Variants in ADAMTS6 observed in about 807,000 individuals in gnomAD.
The protein encoded by ADAMTS6 is ADAM metallopeptidase with thrombospondin type 1 motif 6.
ADAMTS6 carries 23 observed loss-of-function variants against 144.3 expected under a neutral mutation model. That is an observed-to-expected ratio of 0.16 (90% CI 0.11 to 0.23). The LOEUF (loss-of-function observed/expected upper bound fraction) is 0.23, where lower values mean the gene tolerates loss of function less well. Among genes scored for constraint, ADAMTS6 ranks in the 10% least tolerant of loss-of-function variants. The probability of loss-of-function intolerance (pLI) is 1.00; values close to 1 mark genes in which losing one functional copy is unlikely to be tolerated. For missense variants in ADAMTS6, 999 were observed against 1,379.6 expected (o/e 0.72, Z 4.37); for synonymous variants, 444 against 457.5 (o/e 0.97, Z 0.38).
Position 65,451,636 on chromosome 5 carries a change from C to G in ADAMTS6, c.928-16G>C. The G allele has an allele frequency of 6.2e-7, 1 of 1,611,214 alleles. No homozygotes were observed. The highest frequency in any genetic ancestry group is 8.5e-7 in the Non-Finnish European group (1 of 1,178,930). ...CCAAGTTTGGCTGCAATACAACATG[C>G]ATACCAGAAATGTTCCAAACAAATT... On this transcript the variant is annotated splice_polypyrimidine_tract_variant and intron_variant, in intron 6 of 24. Transcript: ENST00000381055.
intron 11 of ADAMTS6, among the ~76,000 whole-genome samples, chr5:65,289,245 T>C (rs574316063): frequency 6.6e-6 from 1 of 152,152 alleles, no homozygotes; most frequent in Non-Finnish European, 1.5e-5. Context: ...ATTAAGAATA[T>C]AAAGGCAAGC....
intron 14 of ADAMTS6, among the ~76,000 whole-genome samples, chr5:65,258,641 G>A (rs1397929781): frequency 6.6e-6 from 1 of 152,152 alleles, no homozygotes; most frequent in African/African-American, 2.4e-5. Flanking sequence ...AGTGAAGTTA[G>A]GCAGCACCTA....
intron 9 of ADAMTS6, among the ~76,000 whole-genome samples, chr5:65,313,452 G>C (rs761403789): frequency 1.3e-4 from 19 of 151,898 alleles, no homozygotes; most frequent in Non-Finnish European, 2.4e-4. Flanking sequence ...ATATGTATGT[G>C]CATTTATTTA....
chr5:65,437,075 A>G (rs1057398282), intron 7 of ADAMTS6, among the ~76,000 whole-genome samples: 2 of 150,262 alleles, frequency 1.3e-5, no homozygotes, highest in Non-Finnish European at 3.0e-5. Flanking sequence ...AAGAGAAGAG[A>G]GAGCTTGTGC....
In ADAMTS6 at chr5:65,214,975, A is replaced by C; in HGVS notation, c.2437-43T>G. On this transcript the variant is annotated intron_variant, in intron 19 of 24. Transcript: ENST00000381055. This position sits in a 1 kb window ranked among gnomAD's most constrained non-coding sequence, Gnocchi z 4.6. ...TGGTGAAGACAATTAAAATACAATG[A>C]GCCTTCATTCAGATATTTATTATTC... 1.3e-6 allele frequency: 2 copies of C among 1,585,198 alleles called. No individual in the cohort carries two copies. Among genetic ancestry groups the C allele is most frequent in the Non-Finnish European group, 1.7e-6 (2 of 1,166,360 alleles).
chr5:65,381,529 ATTTTTTTT>A (rs748143650), intron 7 of ADAMTS6, among the ~76,000 whole-genome samples: 16 of 103,124 alleles, frequency 1.6e-4, no homozygotes, highest in African/African-American at 3.3e-4. Flanking sequence ...TGCCTGGCTA[ATTTTTTTT>A]TTTTTTTTTT....
rs1480304001 is a variant in ADAMTS6 at position 65,215,491 on chromosome 5, G to T, written c.2273-4C>A. On this transcript the variant is annotated splice_region_variant and splice_polypyrimidine_tract_variant and intron_variant, in intron 18 of 24. Transcript: ENST00000381055. Reference sequence around the variant, plus strand: ...TCATCTCCTTCAGATTTTAAAGCTAGAAAACAAATCACAATTCACCTAAAA... The same window carrying T: ...TCATCTCCTTCAGATTTTAAAGCTATAAAACAAATCACAATTCACCTAAAA... 1 of 1,597,992 alleles carries T rather than the reference G, an allele frequency of 6.3e-7. No homozygotes were observed. The highest frequency in any genetic ancestry group is 8.5e-7 in the Non-Finnish European group (1 of 1,174,504).
chr5:65,250,205 C>T (rs78302041), intron 14 of ADAMTS6, among the ~76,000 whole-genome samples: 1 of 152,182 alleles, frequency 6.6e-6, no homozygotes. Flanking sequence ...TATGTTACTT[C>T]TTTTAATTGT....
intron 7 of ADAMTS6, among the ~76,000 whole-genome samples, chr5:65,403,792 T>G (rs1754165920): frequency 6.6e-6 from 1 of 152,106 alleles, no homozygotes; most frequent in Non-Finnish European, 1.5e-5. Flanking sequence ...CTAGACTCCA[T>G]TATCTTCATG....
chr5:65,274,412 A>G (rs114996023), intron 11 of ADAMTS6, among the ~76,000 whole-genome samples: 1,776 of 152,210 alleles, frequency 0.012, 12 homozygotes, highest in Non-Finnish European at 0.019. Context: ...AATAAAAATG[A>G]TTATCTGAAA....
chr5:65,303,656 A>G (rs770509624), intron 9 of ADAMTS6, among the ~76,000 whole-genome samples: 46 of 151,824 alleles, frequency 3.0e-4, no homozygotes, highest in Admixed American at 1.1e-3. Flanking sequence ...AGCATAAAAT[A>G]TCTTTTAAAA....
chr5:65,297,723 T>C (rs894982623), intron 10 of ADAMTS6, among the ~76,000 whole-genome samples: 7 of 152,222 alleles, frequency 4.6e-5, no homozygotes, highest in Non-Finnish European at 4.4e-5. Context: ...TCCGGTGAAC[T>C]GACCTTTTTA....
At chr5:65,393,344 G>T (rs913094630) in intron 7 of ADAMTS6, among the ~76,000 whole-genome samples, 4 of 152,098 alleles carry the variant, frequency 2.6e-5, no homozygotes, top group Non-Finnish European at 4.4e-5. Context: ...ATCCTTCCAT[G>T]AACATATGCC....
At chr5:65,243,627 G>A (rs1284102519) in intron 14 of ADAMTS6, among the ~76,000 whole-genome samples, 1 of 152,014 alleles carries the variant, frequency 6.6e-6, no homozygotes, top group Non-Finnish European at 1.5e-5. Flanking sequence ...GGTGTATCAG[G>A]CTGGAAGGAT....
intron 19 of ADAMTS6, 125 bp from the exon 20 acceptor site, chr5:65,215,057 T>C (rs1415197134): frequency 5.6e-6 from 7 of 1,241,874 alleles, no homozygotes; most frequent in Non-Finnish European, 7.7e-6. Flanking sequence ...ATAAAACACA[T>C]GCATTTATAT....
chr5:65,177,738 G>T (rs1754067966), intron 22 of ADAMTS6, among the ~76,000 whole-genome samples: 1 of 152,220 alleles, frequency 6.6e-6, no homozygotes, highest in African/African-American at 2.4e-5. Flanking sequence ...CAAATGCCTG[G>T]TTGGAGTCGA....
intron 9 of ADAMTS6, among the ~76,000 whole-genome samples, chr5:65,325,695 T>G (rs540922442): frequency 2.6e-4 from 40 of 152,232 alleles, no homozygotes; most frequent in Admixed American, 2.2e-3. Context: ...AGTTTGGCCA[T>G]GTTACCCAGG....
intron 20 of ADAMTS6, among the ~76,000 whole-genome samples, chr5:65,202,113 C>G (rs527412209): frequency 6.6e-6 from 1 of 152,264 alleles, no homozygotes; most frequent in East Asian, 1.9e-4. Flanking sequence ...CCAATCAACT[C>G]CACTCATATG....
intron 4 of ADAMTS6, among the ~76,000 whole-genome samples, chr5:65,457,944 C>G (rs908659667): frequency 6.6e-6 from 1 of 151,774 alleles, no homozygotes; most frequent in Middle Eastern, 3.4e-3. Flanking sequence ...CCAGGATGGT[C>G]TCGATCTCCT....
Sources: allele counts gnomAD v4.1 joint callset (sites outside exome capture counted in the v4.1 genomes callset), GRCh38; gene constraint gnomAD v4.1.1; non-coding constraint Gnocchi (gnomAD v3.1); transcripts MANE v1.5; gene names NCBI Gene and HGNC (gene_info 2026-07-23, HGNC 2026-07-21).